The following FSTL4 variants were observed in gnomAD, a reference collection of about 807,000 sequenced individuals.
FSTL4 encodes the protein follistatin like 4, also known as follistatin-related protein 4.
A neutral mutation model predicts 78.2 loss-of-function variants in FSTL4; 28 were observed. The observed-to-expected ratio is 0.36, with a 90% CI of 0.27 to 0.49. The LOEUF (loss-of-function observed/expected upper bound fraction) is 0.49. Ranked by LOEUF, FSTL4 falls within the 20% of genes least tolerant of loss-of-function variation. The pLI, the probability that FSTL4 is intolerant of heterozygous loss-of-function variation, is 0.98. For missense variants in FSTL4, 922 were observed against 1,084.9 expected (o/e 0.85, Z 2.11); for synonymous variants, 422 against 440.5 (o/e 0.96, Z 0.53).
chr5:133,402,178 G>A (rs1279384008), intron 3 of FSTL4, among the ~76,000 whole-genome samples: 5 of 152,174 alleles, frequency 3.3e-5, no homozygotes, highest in East Asian at 3.8e-4. Context: ...CCCTGGAAAC[G>A]GGCGCTGCCA....
At chr5:133,241,719 T>A (rs1751878941) in intron 7 of FSTL4, among the ~76,000 whole-genome samples, 1 of 152,176 alleles carries the variant, frequency 6.6e-6, no homozygotes, top group Non-Finnish European at 1.5e-5. Flanking sequence ...GTAGCAGTCA[T>A]CTGAAGTTCC....
At chr5:133,485,038 T>A (rs755968545) in intron 3 of FSTL4, among the ~76,000 whole-genome samples, 15 of 152,350 alleles carry the variant, frequency 9.8e-5, no homozygotes, top group Non-Finnish European at 1.9e-4. Flanking sequence ...CTCCTTTTTC[T>A]TTGTCAAGGA....
At chr5:133,492,729 A>T (rs776892805) in intron 3 of FSTL4, among the ~76,000 whole-genome samples, 24 of 152,074 alleles carry the variant, frequency 1.6e-4, no homozygotes, top group Non-Finnish European at 2.8e-4. Context: ...AAAATTTTGG[A>T]AAAGGTCTAG....
At chr5:133,238,805 C>T (rs1185850674) in intron 7 of FSTL4, among the ~76,000 whole-genome samples, 2 of 152,268 alleles carry the variant, frequency 1.3e-5, no homozygotes, top group Non-Finnish European at 2.9e-5. Context: ...TCTAGTCCCT[C>T]ATAGTGAGAG....
the FSTL4 span, among the ~76,000 whole-genome samples, chr5:133,757,920 T>C: frequency 1.3e-5 from 2 of 152,210 alleles, no homozygotes; most frequent in Non-Finnish European, 2.9e-5. Context: ...TCAATCTCAC[T>C]GCTATGGAAT....
At chr5:133,694,838 G>A in the FSTL4 span, among the ~76,000 whole-genome samples, 1 of 152,154 alleles carries the variant, frequency 6.6e-6, no homozygotes, top group Non-Finnish European at 1.5e-5. Flanking sequence ...GTCCTCACAT[G>A]GCAGAGAGCA....
At chr5:133,228,395 G>A (rs1339272203) in intron 8 of FSTL4, among the ~76,000 whole-genome samples, 1 of 152,144 alleles carries the variant, frequency 6.6e-6, no homozygotes, top group Non-Finnish European at 1.5e-5. Context: ...CCTAGAGCAT[G>A]GAACAGGGAA....
At chr5:133,605,526 T>C (rs74411853) in intron 1 of FSTL4, among the ~76,000 whole-genome samples, 178 of 152,248 alleles carry the variant, frequency 1.2e-3, no homozygotes, top group South Asian at 3.9e-3. Flanking sequence ...TGGCAAACAA[T>C]TACACTCCTG....
intron 8 of FSTL4, among the ~76,000 whole-genome samples, chr5:133,227,182 A>G (rs147516649): frequency 6.6e-6 from 1 of 152,362 alleles, no homozygotes; most frequent in East Asian, 1.9e-4. Flanking sequence ...AACCACACAG[A>G]GACCCAAAAC....
At chr5:133,274,428 T>C (rs1039925036) in intron 6 of FSTL4, among the ~76,000 whole-genome samples, 2 of 70,800 alleles carry the variant, frequency 2.8e-5, no homozygotes, top group Admixed American at 2.3e-4. Flanking sequence ...GAAAATTAAA[T>C]TAGCAACTCT....
chr5:133,428,894 T>C (rs1019994500), intron 3 of FSTL4, among the ~76,000 whole-genome samples: 1 of 152,184 alleles, frequency 6.6e-6, no homozygotes, highest in African/African-American at 2.4e-5. Flanking sequence ...ATTTCCGTTA[T>C]GGTGTGAAAT....
the FSTL4 span, among the ~76,000 whole-genome samples, chr5:133,780,120 G>C: frequency 3.1e-4 from 47 of 152,264 alleles, no homozygotes; most frequent in Admixed American, 5.9e-4. Context: ...GCCCCGAAAG[G>C]GATGAAAATT....
intron 4 of FSTL4, among the ~76,000 whole-genome samples, chr5:133,369,399 GC>G (rs1247612855): frequency 6.6e-6 from 1 of 152,262 alleles, no homozygotes; most frequent in African/African-American, 2.4e-5. Flanking sequence ...TGGGTGGAGA[GC>G]CACACCGAGA....
the FSTL4 span, among the ~76,000 whole-genome samples, chr5:133,806,108 C>G: frequency 6.6e-6 from 1 of 152,088 alleles, no homozygotes; most frequent in Non-Finnish European, 1.5e-5. Context: ...GCCCGCAAAA[C>G]AAATTTATTT....
At chr5:133,400,151 C>T (rs1756183522) in intron 4 of FSTL4, among the ~76,000 whole-genome samples, 1 of 152,226 alleles carries the variant, frequency 6.6e-6, no homozygotes, top group Non-Finnish European at 1.5e-5. Context: ...GACTCAATCT[C>T]AGCCTAAAGC....
intron 5 of FSTL4, among the ~76,000 whole-genome samples, chr5:133,314,864 A>T (rs114950049): frequency 6.6e-6 from 1 of 152,214 alleles, no homozygotes; most frequent in African/African-American, 2.4e-5. Flanking sequence ...TGACCTCTCT[A>T]TTGAAACACA....
the FSTL4 span, among the ~76,000 whole-genome samples, chr5:133,740,212 A>T: frequency 6.6e-6 from 1 of 152,092 alleles, no homozygotes; most frequent in Non-Finnish European, 1.5e-5. Flanking sequence ...GTTCTAAGTG[A>T]TACCCCCTTA....
chr5:133,788,712 AACACTTCC>A, the FSTL4 span, among the ~76,000 whole-genome samples: 1 of 152,208 alleles, frequency 6.6e-6, no homozygotes. Context: ...GATGCTTATA[AACACTTCC>A]ACTACTTCTG....
intron 4 of FSTL4, among the ~76,000 whole-genome samples, chr5:133,391,952 C>A (rs561806512): frequency 1.2e-4 from 18 of 152,308 alleles, no homozygotes; most frequent in African/African-American, 4.3e-4. Context: ...GGGGACTGGG[C>A]TCTGTTTTGT....
Sources: gnomAD v4.1 joint callset for allele counts (sites outside exome capture counted in the v4.1 genomes callset) on GRCh38, gnomAD v4.1.1 for gene constraint, MANE v1.5 for transcripts, NCBI Gene and HGNC (gene_info 2026-07-23, HGNC 2026-07-21) for gene names.